ALCAM: variants seen among roughly 807,000 people sequenced by gnomAD.
ALCAM encodes the protein activated leukocyte cell adhesion molecule, also known as CD166 antigen.
Under a neutral mutation model 70.9 loss-of-function variants are expected in ALCAM, and 30 were observed. The observed-to-expected ratio is 0.42, with a 90% CI of 0.32 to 0.57. The LOEUF is 0.57. Among genes scored for constraint, ALCAM ranks in the 20% least tolerant of loss-of-function variants. The pLI is 0.11. For synonymous variants in ALCAM, 249 were observed against 242.5 expected, an observed-to-expected ratio of 1.03 and a Z score of -0.25; for missense variants, 591 against 695.1, an observed-to-expected ratio of 0.85 and a Z score of 1.68.
At chr3:105,549,141 G>A (rs993854525) in intron 11 of ALCAM, among the ~76,000 whole-genome samples, 1 of 151,404 alleles carries the variant, frequency 6.6e-6, no homozygotes, top group East Asian at 1.9e-4. Context: ...AAATAATAAT[G>A]CCATCTTTCA....
intron 1 of ALCAM, among the ~76,000 whole-genome samples, chr3:105,491,507 A>C (rs1394119513): frequency 6.6e-6 from 1 of 152,188 alleles, no homozygotes; most frequent in African/African-American, 2.4e-5. Context: ...TGTTTTAAAC[A>C]TAAGTTCCAT....
At chr3:105,381,524 A>G (rs1208988860) in intron 1 of ALCAM, among the ~76,000 whole-genome samples, 1 of 152,014 alleles carries the variant, frequency 6.6e-6, no homozygotes, top group Non-Finnish European at 1.5e-5. Context: ...CATAGTTCCC[A>G]TCTGTTAATG....
Position 105,557,164 on chromosome 3 carries a change from GGGC to G in ALCAM, c.1664+4580_1664+4582del, listed in dbSNP as rs555797037. On this transcript the variant is annotated intron_variant, in intron 14 of 15. Transcript: ENST00000306107. ...TATGGAGGAAAGGGTATGATCTTAA[GGGC>G]AGGCTGACACAGCCTCTCTCTCCAC... Among the ~76,000 whole-genome samples, 666 of 152,170 alleles carry G rather than the reference GGGC, an allele frequency of 4.4e-3. 9 individuals are homozygous for G. The highest frequency in any genetic ancestry group is 0.024 in the Middle Eastern group (7 of 294).
At chr3:105,394,391 C>CA (rs1935897815) in intron 1 of ALCAM, among the ~76,000 whole-genome samples, 1 of 151,888 alleles carries the variant, frequency 6.6e-6, no homozygotes, top group South Asian at 2.1e-4. Flanking sequence ...GCAAACACGT[C>CA]ATGATCTGGA....
chr3:105,460,738 G>T (rs1022663044), intron 1 of ALCAM, among the ~76,000 whole-genome samples: 1 of 151,770 alleles, frequency 6.6e-6, no homozygotes, highest in Non-Finnish European at 1.5e-5. Flanking sequence ...AAATATTTGG[G>T]TACAGAGATG....
In ALCAM at chr3:105,552,479, G is replaced by A. The variant is rs1940432992; in HGVS notation, c.1558G>A (p.Glu520Lys). Residue 520 changes from glutamate (E) to lysine (K), a missense_variant, in exon 14 of 16, where the codon GAA becomes AAA. Transcript: ENST00000306107. The stretch of plus-strand genomic sequence containing the variant: ...CTTCTTTGTTGCAGATGAAAACAGA[G>A]AAAAGGTGAATGACCAGGCAAAACT... ...EADEISDENREKVNDQAKLIV... is the reference protein window; with the variant it reads ...EADEISDENRKKVNDQAKLIV... The A allele has an allele frequency of 6.2e-7, 1 of 1,611,696 alleles. No homozygotes were observed. Among genetic ancestry groups the A allele is most frequent in the Admixed American group, 1.7e-5 (1 of 59,854 alleles).
chr3:105,381,751 A>C (rs1437932240), intron 1 of ALCAM, among the ~76,000 whole-genome samples: 4 of 151,912 alleles, frequency 2.6e-5, no homozygotes, highest in African/African-American at 9.6e-5. Context: ...CTACACAATA[A>C]TAAAATAGGG....
At chr3:105,480,056 C>T (rs1056360941) in intron 1 of ALCAM, among the ~76,000 whole-genome samples, 8 of 151,946 alleles carry the variant, frequency 5.3e-5, no homozygotes, top group African/African-American at 1.9e-4. Flanking sequence ...AATGATGCCC[C>T]CCAAAAAACA....
chr3:105,405,506 C>G (rs1399428365), intron 1 of ALCAM, among the ~76,000 whole-genome samples: 1 of 151,928 alleles, frequency 6.6e-6, no homozygotes, highest in Admixed American at 6.6e-5. Context: ...CAAGACAGAA[C>G]GTCAACAAAG....
intron 1 of ALCAM, among the ~76,000 whole-genome samples, chr3:105,418,627 G>GT (rs1425623317): frequency 1.3e-5 from 2 of 151,706 alleles, no homozygotes; most frequent in African/African-American, 2.4e-5. Context: ...ATTTTGTATT[G>GT]TTTTGTCTTG....
At chr3:105,438,284 T>C (rs1300800171) in intron 1 of ALCAM, among the ~76,000 whole-genome samples, 1 of 152,160 alleles carries the variant, frequency 6.6e-6, no homozygotes, top group African/African-American at 2.4e-5. Flanking sequence ...ACATGTTTGC[T>C]TTTTACATAA....
intron 1 of ALCAM, among the ~76,000 whole-genome samples, chr3:105,374,227 G>C (rs1935317069): frequency 6.6e-6 from 1 of 152,058 alleles, no homozygotes; most frequent in South Asian, 2.1e-4. Context: ...AGCAGGTATA[G>C]CTTTTTGTTG....
chr3:105,527,855 T>G (rs1939744178), intron 3 of ALCAM, among the ~76,000 whole-genome samples: 1 of 151,662 alleles, frequency 6.6e-6, no homozygotes. Flanking sequence ...CAAAATTAAG[T>G]GTCTTTGCTT....
chr3:105,404,816 C>T (rs1329355504), intron 1 of ALCAM, among the ~76,000 whole-genome samples: 1 of 152,100 alleles, frequency 6.6e-6, no homozygotes, highest in Non-Finnish European at 1.5e-5. Context: ...AAGAAGTCAC[C>T]AACCAAGTTT....
rs548327767 is a variant in ALCAM at position 105,572,050 on chromosome 3, C to A, written c.*25+86C>A. On this transcript the variant is annotated intron_variant, in intron 15 of 15. Coordinates refer to ENST00000306107, the MANE Select transcript of ALCAM (RefSeq NM_001627.4). ...AGATGAAGTCCTTTATGTTAAGATG[C>A]TCCATAATTACAGCTTTCAAAACAG... 23 of 723,752 alleles carry A rather than the reference C, an allele frequency of 3.2e-5. No homozygotes were observed. In the African/African-American group the frequency reaches 4.1e-4, roughly 13 times the overall value. 44.8% of individuals were successfully genotyped at this position (723,752 alleles called of 1,614,324 possible).
At chr3:105,458,147 C>T (rs1210439285) in intron 1 of ALCAM, among the ~76,000 whole-genome samples, 1 of 150,996 alleles carries the variant, frequency 6.6e-6, no homozygotes, top group Non-Finnish European at 1.5e-5. Flanking sequence ...CAACTAGGGG[C>T]CTCACTTCAT....
intron 1 of ALCAM, among the ~76,000 whole-genome samples, chr3:105,407,522 C>G (rs995124336): frequency 1.3e-5 from 2 of 152,034 alleles, no homozygotes; most frequent in Non-Finnish European, 2.9e-5. Flanking sequence ...ATTCAGTATC[C>G]CTTTATTATT....
intron 1 of ALCAM, among the ~76,000 whole-genome samples, chr3:105,368,073 CG>C (rs1250839196): frequency 6.6e-6 from 1 of 151,728 alleles, no homozygotes; most frequent in Non-Finnish European, 1.5e-5. Context: ...ATTGTCTGGG[CG>C]GGTGGTGAGT....
Position 105,367,328 on chromosome 3 carries a change from C to CTG in ALCAM, c.-81_-80insTG. The stretch of plus-strand genomic sequence containing the variant: ...GCCCCTGCGTCGGGACCCGCCAGCG[C>CTG]GCGGGCACCGCGGGGCCCGGGACGA... On this transcript the variant is annotated 5_prime_UTR_variant, in exon 1 of 16. Coordinates refer to ENST00000306107, the MANE Select transcript of ALCAM (RefSeq NM_001627.4). 6.8e-7 allele frequency: 1 copy of CTG among 1,466,810 alleles called. No homozygotes were observed. The highest frequency in any genetic ancestry group is 1.2e-5 in the South Asian group (1 of 85,486). The allele number at this position is 1,466,810 out of a possible 1,614,324, so 90.9% of individuals were successfully genotyped here. A position where few individuals can be genotyped will look rare whatever the true frequency, so the allele number is the denominator to read the frequency against.
Sources: gnomAD v4.1 joint callset for allele counts (sites outside exome capture counted in the v4.1 genomes callset) on GRCh38, gnomAD v4.1.1 for gene constraint, MANE v1.5 for transcripts, NCBI Gene and HGNC (gene_info 2026-07-23, HGNC 2026-07-21) for gene names.